The following RALYL variants were observed in gnomAD, a reference collection of about 807,000 sequenced individuals.
RALYL encodes the protein RNA-binding Raly-like protein.
In RALYL, 29 loss-of-function variants were observed where a neutral mutation model predicts 35.1. The ratio of observed to expected loss-of-function variants is 0.83; its 90% CI spans 0.61 to 1.13. RALYL has a LOEUF of 1.13. RALYL is among the 50% of genes most tolerant of loss of function. The pLI is 0.00. For synonymous variants in RALYL, 120 were observed against 127.6 expected, an observed-to-expected ratio of 0.94 and a Z score of 0.40; for missense variants, 359 against 360.4, an observed-to-expected ratio of 1.00 and a Z score of 0.03.
chr8:84,243,894 C>T (rs1828533538), intron 1 of RALYL, among the ~76,000 whole-genome samples: 1 of 151,986 alleles, frequency 6.6e-6, no homozygotes, highest in South Asian at 2.1e-4. Flanking sequence ...GGACATGCAC[C>T]CTCTCTTTGG....
At chr8:84,297,054 T>C in intron 1 of RALYL, among the ~76,000 whole-genome samples, 1 of 150,600 alleles carries the variant, frequency 6.6e-6, no homozygotes, top group East Asian at 1.9e-4. Context: ...TTTCTTCATT[T>C]ACAAAAAAAA....
rs114098231 is a variant in RALYL at position 84,752,154 on chromosome 8, G to A, written c.257-22425G>A. On this transcript the variant is annotated intron_variant, in intron 2 of 8. Coordinates refer to ENST00000521268, the MANE Select transcript of RALYL (RefSeq NM_173848.7). Reference sequence around the variant, plus strand: ...TCAGATGGAGATGAGGAGCTTATTGGGAAGTGGAGCAAAGGTCACTCTTGT... The same window carrying A: ...TCAGATGGAGATGAGGAGCTTATTGAGAAGTGGAGCAAAGGTCACTCTTGT... Among the ~76,000 whole-genome samples, 1,118 of 152,274 alleles carry A rather than the reference G, an allele frequency of 7.3e-3. 19 individuals carry two copies. The highest frequency in any genetic ancestry group is 0.025 in the African/African-American group (1,056 of 41,556).
chr8:84,468,353 T>A (rs4418337), intron 1 of RALYL, among the ~76,000 whole-genome samples: 1 of 151,042 alleles, frequency 6.6e-6, no homozygotes, highest in Non-Finnish European at 1.5e-5. Flanking sequence ...TGACAAAATC[T>A]CTCAGCATTT....
intron 1 of RALYL, among the ~76,000 whole-genome samples, chr8:84,278,418 T>A (rs529260927): frequency 6.6e-6 from 1 of 152,216 alleles, no homozygotes; most frequent in East Asian, 1.9e-4. Flanking sequence ...GCCATGAAGG[T>A]CTGTGGAGAC....
chr8:84,908,696 AT>A (rs1329239865), intron 8 of RALYL, among the ~76,000 whole-genome samples: 1 of 152,104 alleles, frequency 6.6e-6, no homozygotes, highest in Non-Finnish European at 1.5e-5. Context: ...ATGAGTCAAT[AT>A]TTTTAATGAA....
At chr8:84,639,042 C>A (rs1825770876) in intron 2 of RALYL, among the ~76,000 whole-genome samples, 1 of 147,922 alleles carries the variant, frequency 6.8e-6, no homozygotes, top group Non-Finnish European at 1.5e-5. Context: ...TTATATTAGG[C>A]CTCATGAGTC....
chr8:84,857,183 C>G (rs1012446362), intron 5 of RALYL, among the ~76,000 whole-genome samples: 1 of 151,788 alleles, frequency 6.6e-6, no homozygotes, highest in African/African-American at 2.4e-5. Context: ...GAGGTTGAAT[C>G]AAGACATGGA....
intron 2 of RALYL, among the ~76,000 whole-genome samples, chr8:84,571,263 A>AT (rs879713710): frequency 1.2e-4 from 18 of 151,604 alleles, no homozygotes; most frequent in Middle Eastern, 6.8e-3. Context: ...TTGTTGGAAG[A>AT]TTTTTTTTAT....
chr8:84,500,109 T>A (rs2056501488), intron 1 of RALYL, among the ~76,000 whole-genome samples: 1 of 152,196 alleles, frequency 6.6e-6, no homozygotes, highest in African/African-American at 2.4e-5. Flanking sequence ...TGACACCGTA[T>A]AAATTTATCA....
At chr8:84,190,602 G>A (rs1200869301) in intron 1 of RALYL, among the ~76,000 whole-genome samples, 1 of 152,192 alleles carries the variant, frequency 6.6e-6, no homozygotes, top group Non-Finnish European at 1.5e-5. Context: ...TGGATATCTT[G>A]AAAACAGGTG....
chr8:84,693,289 TG>T (rs908838672), intron 2 of RALYL, among the ~76,000 whole-genome samples: 1 of 151,852 alleles, frequency 6.6e-6, no homozygotes, highest in Non-Finnish European at 1.5e-5. Context: ...TTCACATAGC[TG>T]GGGAGGCCTC....
intron 4 of RALYL, among the ~76,000 whole-genome samples, chr8:84,816,321 A>C (rs1827282050): frequency 6.6e-6 from 1 of 152,186 alleles, no homozygotes; most frequent in Non-Finnish European, 1.5e-5. Context: ...ACAGCACCAA[A>C]GGAAACTTTC....
chr8:84,858,402 T>A (rs1217577973), intron 5 of RALYL, among the ~76,000 whole-genome samples: 3 of 152,088 alleles, frequency 2.0e-5, no homozygotes, highest in Non-Finnish European at 4.4e-5. Context: ...GATGAGTAAG[T>A]ATTTGGGAGA....
At chr8:84,353,026 C>T (rs767800205) in intron 1 of RALYL, among the ~76,000 whole-genome samples, 1 of 150,212 alleles carries the variant, frequency 6.7e-6, no homozygotes, top group Non-Finnish European at 1.5e-5. Context: ...AGGACACCTG[C>T]GGACTTGAAA....
intron 1 of RALYL, among the ~76,000 whole-genome samples, chr8:84,301,790 GT>G (rs1003794187): frequency 2.0e-4 from 31 of 152,036 alleles, no homozygotes; most frequent in African/African-American, 5.3e-4. Flanking sequence ...TTGAGAAAGT[GT>G]TTTTTATATA....
chr8:84,739,094 A>T (rs942515036), intron 2 of RALYL, among the ~76,000 whole-genome samples: 1 of 152,052 alleles, frequency 6.6e-6, no homozygotes, highest in Non-Finnish European at 1.5e-5. Context: ...CATGATTAAG[A>T]TATAATTTTA....
chr8:84,719,709 A>T (rs1463044124), intron 2 of RALYL, among the ~76,000 whole-genome samples: 1 of 152,112 alleles, frequency 6.6e-6, no homozygotes, highest in Non-Finnish European at 1.5e-5. Flanking sequence ...TTACAGTGAG[A>T]TGTTTTGATA....
intron 2 of RALYL, among the ~76,000 whole-genome samples, chr8:84,556,095 G>C (rs559473902): frequency 1.3e-5 from 2 of 152,270 alleles, no homozygotes; most frequent in East Asian, 3.9e-4. Context: ...TGTGACAAAT[G>C]ATAAAACAAA....
intron 2 of RALYL, among the ~76,000 whole-genome samples, chr8:84,761,754 G>T (rs1812760512): frequency 6.6e-6 from 1 of 152,096 alleles, no homozygotes; most frequent in African/African-American, 2.4e-5. Flanking sequence ...TAGGTTCATT[G>T]AATATATTTT....
Sources: allele counts gnomAD v4.1 joint callset (sites outside exome capture counted in the v4.1 genomes callset), GRCh38; gene constraint gnomAD v4.1.1; transcripts MANE v1.5; gene names NCBI Gene and HGNC (gene_info 2026-07-23, HGNC 2026-07-21).